ARHGEF10: variants seen among roughly 807,000 people sequenced by gnomAD.
ARHGEF10 encodes Rho guanine nucleotide exchange factor 10, also known as Rho guanine nucleotide exchange factor (GEF) 10.
In ARHGEF10, 140 loss-of-function variants were observed where a neutral mutation model predicts 147.4. That is an observed-to-expected ratio of 0.95 (90% CI 0.83 to 1.09). ARHGEF10 has a LOEUF of 1.09. ARHGEF10 is among the 50% of genes least tolerant of loss of function. The probability of loss-of-function intolerance (pLI) is 0.00; values close to 1 mark genes in which losing one functional copy is unlikely to be tolerated. For synonymous variants in ARHGEF10, 902 were observed against 695.8 expected, an observed-to-expected ratio of 1.30 and a Z score of -4.67; for missense variants, 2,222 against 1,752.7, an observed-to-expected ratio of 1.27 and a Z score of -4.78.
intron 18 of ARHGEF10, among the ~76,000 whole-genome samples, chr8:1,917,114 A>G (rs1418277816): frequency 6.6e-6 from 1 of 152,244 alleles, no homozygotes; most frequent in Non-Finnish European, 1.5e-5. Flanking sequence ...ACGTGGAGAC[A>G]TCCTTACACA....
At chr8:1,875,259 G>C (rs1162060241) in intron 7 of ARHGEF10, among the ~76,000 whole-genome samples, 1 of 150,886 alleles carries the variant, frequency 6.6e-6, no homozygotes, top group East Asian at 2.0e-4. Context: ...AGGGCGTGTA[G>C]GGGGTGGAGG....
chr8:1,891,868 T>G (rs1287051982), intron 11 of ARHGEF10, among the ~76,000 whole-genome samples: 1 of 151,826 alleles, frequency 6.6e-6, no homozygotes, highest in East Asian at 1.9e-4. Context: ...TTTTTGTATT[T>G]TAATATTATA....
At position 1,858,156 on chromosome 8, in the gene ARHGEF10, G is replaced by GTCCCCAGGTGGGTCCCCAGGTGGT. The variant is rs746164823; in HGVS notation, c.193+51_193+52insGGTCCCCAGGTGGTTCCCCAGGTG. The GTCCCCAGGTGGGTCCCCAGGTGGT allele has an allele frequency of 4.5e-6, 7 of 1,571,938 alleles. No individual in the cohort carries two copies. The African/African-American group carries it at 8.2e-5, about 18-fold the overall frequency. On this transcript the variant is annotated intron_variant, in intron 3 of 28. Coordinates refer to ENST00000349830, the MANE Select transcript of ARHGEF10 (RefSeq NM_014629.4). The stretch of plus-strand genomic sequence containing the variant: ...GGTCCCCAGGTGAGTCCCCAGGTGG[G>GTCCCCAGGTGGGTCCCCAGGTGGT]TCCCCAGGTGAGTCCCCAGGTGGGT...
chr8:1,878,244 C>G (rs1334944552), intron 8 of ARHGEF10, among the ~76,000 whole-genome samples: 1 of 151,900 alleles, frequency 6.6e-6, no homozygotes, highest in African/African-American at 2.4e-5. Flanking sequence ...GGCTGAAGTA[C>G]AATGGCGTGA....
chr8:1,854,314 C>T (rs574493759), intron 2 of ARHGEF10, among the ~76,000 whole-genome samples: 1 of 152,330 alleles, frequency 6.6e-6, no homozygotes, highest in African/African-American at 2.4e-5. Context: ...GGCGGCCTCG[C>T]CCTCTGTCCT....
At chr8:1,876,244 TGTGAA>T in intron 7 of ARHGEF10, 1 of 380,008 alleles carries the variant, frequency 2.6e-6, no homozygotes, top group Non-Finnish European at 4.9e-6. Flanking sequence ...TTTTTCTTCT[TGTGAA>T]GTTCTCTAAG....
At chr8:1,888,449 C>T (rs1808983801) in intron 11 of ARHGEF10, among the ~76,000 whole-genome samples, 1 of 120,406 alleles carries the variant, frequency 8.3e-6, no homozygotes, top group Non-Finnish European at 1.7e-5. Flanking sequence ...TGTGAGGAGG[C>T]ACTGAGTGGG....
intron 2 of ARHGEF10, among the ~76,000 whole-genome samples, chr8:1,856,428 G>A (rs534114095): frequency 9.6e-4 from 146 of 152,216 alleles, no homozygotes; most frequent in African/African-American, 3.4e-3. Context: ...GTGTATTTGT[G>A]GTGACCTAAA....
At position 1,830,597 on chromosome 8, in the gene ARHGEF10, C is replaced by CGCT. The variant is rs561720007; in HGVS notation, c.-48+6487_-48+6489dup. On this transcript the variant is annotated intron_variant, in intron 1 of 28. Transcript: ENST00000349830. Reference sequence around the variant, plus strand: ...TAAGAGACAGGTGTTTCATGAATACCGCTGCGTGCTAAGTACTAAGTGCTC... The same window carrying CGCT: ...TAAGAGACAGGTGTTTCATGAATACCGCTGCTGCGTGCTAAGTACTAAGTGCTC... Among the ~76,000 whole-genome samples, 286 of 152,302 alleles carry CGCT rather than the reference C, an allele frequency of 1.9e-3. 2 individuals are homozygous for CGCT. Among genetic ancestry groups the CGCT allele is most frequent in the African/African-American group, 6.7e-3 (280 of 41,558 alleles).
intron 1 of ARHGEF10, among the ~76,000 whole-genome samples, chr8:1,839,793 G>C (rs1012641831): frequency 6.9e-5 from 10 of 144,548 alleles, no homozygotes; most frequent in Non-Finnish European, 1.4e-4. Context: ...GTACTGTCTG[G>C]TGTGGGGACT....
Position 1,871,860 on chromosome 8 carries a change from A to G in ARHGEF10, c.679+2610A>G, listed in dbSNP as rs572570275. ...AACAACAGAGAGCAGTGAACTGAGT[A>G]TCCAGCCAGCTGCACGAAAGAGCAG... is the stretch of plus-strand genomic sequence containing the variant. On this transcript the variant is annotated intron_variant, in intron 7 of 28. Transcript: ENST00000349830. Among the ~76,000 whole-genome samples the G allele has an allele frequency of 1.2e-3, 181 of 152,342 alleles. 1 individual carries two copies. Among genetic ancestry groups the G allele is most frequent in the Middle Eastern group, 6.8e-3 (2 of 294 alleles).
intron 26 of ARHGEF10, among the ~76,000 whole-genome samples, chr8:1,935,974 G>A (rs1813566826): frequency 6.6e-6 from 1 of 152,224 alleles, no homozygotes; most frequent in African/African-American, 2.4e-5. Context: ...TGCTGTTAGT[G>A]GCCGTGTGAC....
intron 18 of ARHGEF10, among the ~76,000 whole-genome samples, chr8:1,912,497 G>A (rs1382208331): frequency 6.6e-6 from 1 of 151,894 alleles, no homozygotes; most frequent in Non-Finnish European, 1.5e-5. Context: ...TCAGTAGGGA[G>A]CTCCCCATCC....
At chr8:1,832,697 C>CAG (rs1803240092) in intron 1 of ARHGEF10, among the ~76,000 whole-genome samples, 1 of 12,516 alleles carries the variant, frequency 8.0e-5, no homozygotes, top group African/African-American at 2.8e-4. Flanking sequence ...GACAGAGAGA[C>CAG]AGGCAGAGGC....
chr8:1,845,788 A>G (rs2129054064), intron 2 of ARHGEF10, among the ~76,000 whole-genome samples: 1 of 152,272 alleles, frequency 6.6e-6, no homozygotes, highest in Non-Finnish European at 1.5e-5. Context: ...CTGGCTTCTG[A>G]AGAAGGTTCC....
rs554380157 is a variant in ARHGEF10, at chr8:1,882,717, C to A, written c.1043C>A (p.Ser348Tyr). The A allele has an allele frequency of 5.1e-6, 8 of 1,555,318 alleles. No homozygotes were observed. The African/African-American group carries it at 5.4e-5, about 11-fold the overall frequency. ...AGGGCAGCCGTGAAGAGGGGCCGCTCCTTCATCAGGACCAAGTCTCTCATC... is the reference window on the plus strand; with the variant it reads ...AGGGCAGCCGTGAAGAGGGGCCGCTACTTCATCAGGACCAAGTCTCTCATC... ...RTRAAVKRGR[S>Y]FIRTKSLIAQ... Residue 348 changes from serine (S) to tyrosine (Y), a missense_variant, in exon 10 of 29, where the codon TCC becomes TAC. Ser to Tyr is a moderately radical substitution (Grantham distance 144). Coordinates refer to ENST00000349830, the MANE Select transcript of ARHGEF10 (RefSeq NM_014629.4).
intron 27 of ARHGEF10, among the ~76,000 whole-genome samples, chr8:1,951,075 G>A (rs995417914): frequency 9.9e-5 from 15 of 152,152 alleles, no homozygotes; most frequent in Non-Finnish European, 1.5e-5. Flanking sequence ...CGGGGAGGCC[G>A]GGTTCAGGTT....
intron 1 of ARHGEF10, among the ~76,000 whole-genome samples, chr8:1,830,654 G>C (rs1381323530): frequency 6.6e-6 from 1 of 152,254 alleles, no homozygotes; most frequent in Non-Finnish European, 1.5e-5. Flanking sequence ...GAACCGCAGA[G>C]ACCATGTGCT....
chr8:1,833,021 C>T (rs1185918056), intron 1 of ARHGEF10, among the ~76,000 whole-genome samples: 1 of 20,398 alleles, frequency 4.9e-5, no homozygotes. Flanking sequence ...GAGACAGAGG[C>T]AGAGACAGGC....
Sources: allele counts gnomAD v4.1 joint callset (sites outside exome capture counted in the v4.1 genomes callset), GRCh38; gene constraint gnomAD v4.1.1; transcripts MANE v1.5; gene names NCBI Gene and HGNC (gene_info 2026-07-23, HGNC 2026-07-21).